Variants in GABRG3 observed in about 807,000 individuals in gnomAD.
GABRG3 encodes the protein gamma-aminobutyric acid receptor subunit gamma-3.
A neutral mutation model predicts 48.8 loss-of-function variants in GABRG3; 25 were observed. The ratio of observed to expected loss-of-function variants is 0.51; its 90% CI spans 0.37 to 0.72. The LOEUF (loss-of-function observed/expected upper bound fraction) is 0.72, where lower values mean the gene tolerates loss of function less well. GABRG3 is among the 30% of genes least tolerant of loss of function. GABRG3 has a pLI of 0.00. For synonymous variants in GABRG3, 227 were observed against 217.6 expected (o/e 1.04, Z -0.38); for missense variants, 394 against 577.9 (o/e 0.68, Z 3.26).
intron 5 of GABRG3, among the ~76,000 whole-genome samples, chr15:27,411,023 C>G (rs992063665): frequency 6.6e-6 from 1 of 152,196 alleles, no homozygotes; most frequent in Non-Finnish European, 1.5e-5. Flanking sequence ...TCTGGGCATG[C>G]CTACAGCCCT....
chr15:27,268,894 A>T (rs1890998937), intron 3 of GABRG3, among the ~76,000 whole-genome samples: 1 of 152,140 alleles, frequency 6.6e-6, no homozygotes, highest in African/African-American at 2.4e-5. Flanking sequence ...AACTCTTCTA[A>T]GCCAGTTAGC....
chr15:27,068,303 C>G (rs919134242), intron 3 of GABRG3, among the ~76,000 whole-genome samples: 4 of 152,224 alleles, frequency 2.6e-5, no homozygotes, highest in African/African-American at 9.6e-5. Context: ...ACTGCAGGAG[C>G]TGGGCACTGG....
In GABRG3 at chr15:27,541,513, A is replaced by G. The variant is rs1341282651; in HGVS notation, c.*8632A>G. ...TGCCTGTGAAGCCATTGTCCTCCAG[A>G]TGGGAGGTAGGCCGGGAGATTCCAG... On this transcript the variant is annotated 3_prime_UTR_variant, in exon 10 of 10. Transcript: ENST00000615808. 6.6e-6 allele frequency: 1 copy of G among 152,268 alleles called. No individual in the cohort carries two copies. Among genetic ancestry groups the G allele is most frequent in the Non-Finnish European group, 1.5e-5 (1 of 68,094 alleles). 9.4% of individuals were successfully genotyped at this position (152,268 alleles called of 1,614,324 possible).
chr15:27,348,155 C>CAAAAAAAAAAAAAAA (rs535295684), intron 5 of GABRG3, among the ~76,000 whole-genome samples: 3,078 of 102,782 alleles, frequency 0.03, 582 homozygotes, highest in African/African-American at 0.12. Flanking sequence ...GACTCCATCT[C>CAAAAAAAAAAAAAAA]AAATAAATAA....
Position 27,179,309 on chromosome 15 carries a change from A to G in GABRG3, c.271-147500A>G, listed in dbSNP as rs1428437294. On this transcript the variant is annotated intron_variant, in intron 3 of 9. Transcript: ENST00000615808. The surrounding 1 kb of genome is among the most constrained non-coding windows in gnomAD (Gnocchi z 4.0). ...TCAGGAGCAGCTGTAACAATTTCCC[A>G]CATGTGGCCAATGCACTTTATCATA... Among the ~76,000 whole-genome samples the G allele has an allele frequency of 2.6e-5, 4 of 152,318 alleles. No individual in the cohort carries two copies. The highest frequency in any genetic ancestry group is 6.8e-3 in the Middle Eastern group (2 of 294).
chr15:27,509,009 G>A (rs527427333), intron 6 of GABRG3, among the ~76,000 whole-genome samples: 29 of 152,020 alleles, frequency 1.9e-4, no homozygotes, highest in South Asian at 1.0e-3. Flanking sequence ...TTGAGCCACC[G>A]TGCCCGGCTG....
intron 3 of GABRG3, chr15:27,280,228 G>A (rs1251742925): frequency 2.0e-5 from 3 of 151,650 alleles, no homozygotes; most frequent in Non-Finnish European, 4.4e-5. Context: ...TTATTGATAT[G>A]TTTTTCTTTC....
chr15:27,253,487 G>T (rs1890523427), intron 3 of GABRG3, among the ~76,000 whole-genome samples: 1 of 152,246 alleles, frequency 6.6e-6, no homozygotes, highest in African/African-American at 2.4e-5. Context: ...TGCCACAGGA[G>T]AACTCCCCAC....
At chr15:27,097,924 T>G (rs150947900) in intron 3 of GABRG3, among the ~76,000 whole-genome samples, 1 of 148,272 alleles carries the variant, frequency 6.7e-6, no homozygotes, top group Non-Finnish European at 1.5e-5. Flanking sequence ...ATTTTTTTCT[T>G]CTTAAATCTA....
intron 3 of GABRG3, among the ~76,000 whole-genome samples, chr15:27,155,995 A>G (rs189219026): frequency 2.0e-5 from 3 of 152,182 alleles, no homozygotes; most frequent in Admixed American, 1.3e-4. Flanking sequence ...AAGAGTGGTT[A>G]TTGTTTAAAA....
chr15:27,415,496 T>C (rs1887914660), intron 5 of GABRG3, among the ~76,000 whole-genome samples: 1 of 152,034 alleles, frequency 6.6e-6, no homozygotes, highest in African/African-American at 2.4e-5. Context: ...TTTACATTCC[T>C]AAATAAGAAT....
At chr15:26,987,033 G>A (rs991120208) in intron 2 of GABRG3, among the ~76,000 whole-genome samples, 3 of 152,162 alleles carry the variant, frequency 2.0e-5, no homozygotes, top group South Asian at 4.1e-4. Flanking sequence ...CAAGGTGGGC[G>A]GATCACGAGG....
intron 5 of GABRG3, among the ~76,000 whole-genome samples, chr15:27,464,741 C>T (rs1889551701): frequency 6.6e-6 from 1 of 152,096 alleles, no homozygotes; most frequent in South Asian, 2.1e-4. Flanking sequence ...GCACTTATTA[C>T]CCATTTGTAT....
intron 5 of GABRG3, among the ~76,000 whole-genome samples, chr15:27,458,270 A>G (rs1319224328): frequency 3.3e-5 from 5 of 152,250 alleles, no homozygotes; most frequent in Non-Finnish European, 2.9e-5. Context: ...ATAATATGAC[A>G]TCGCTCCATC....
chr15:27,264,666 AAAC>A (rs1289553154), intron 3 of GABRG3, among the ~76,000 whole-genome samples: 5 of 152,140 alleles, frequency 3.3e-5, no homozygotes, highest in Non-Finnish European at 7.4e-5. Flanking sequence ...ACTACAATCC[AAAC>A]AACAACAAAA....
rs1434186509 is a variant in GABRG3, at chr15:27,413,204, G to A, written c.575-67446G>A. 8.5e-5 allele frequency among the ~76,000 whole-genome samples: 13 copies of A among 152,220 alleles called. No individual in the cohort carries two copies. The East Asian group carries it at 2.5e-3, about 29-fold the overall frequency. On this transcript the variant is annotated intron_variant, in intron 5 of 9. Transcript: ENST00000615808. The stretch of plus-strand genomic sequence containing the variant: ...TTATAGATAATGTACAGTTACAGGA[G>A]ATTTTTATTTACAATAATTCATGAT...
At chr15:27,046,329 C>T (rs1896365185) in intron 3 of GABRG3, among the ~76,000 whole-genome samples, 1 of 151,860 alleles carries the variant, frequency 6.6e-6, no homozygotes, top group Non-Finnish European at 1.5e-5. Context: ...GTCTCGAACT[C>T]CTGACCTCAG....
intron 3 of GABRG3, among the ~76,000 whole-genome samples, chr15:27,053,633 G>C (rs1324901447): frequency 1.3e-5 from 2 of 152,258 alleles, no homozygotes; most frequent in South Asian, 4.1e-4. Context: ...TATATACCCA[G>C]TGGAAAATAA....
chr15:27,489,498 G>T lies in GABRG3; in HGVS notation c.712+8711G>T, dbSNP rs936822781. ...ACTAATTTACACTCCCACCAATAGTGTAAAAGCTTTCCTATTTCTCCACAT... is the reference window on the plus strand; with the variant it reads ...ACTAATTTACACTCCCACCAATAGTTTAAAAGCTTTCCTATTTCTCCACAT... On this transcript the variant is annotated intron_variant, in intron 6 of 9. Transcript: ENST00000615808. Among the ~76,000 whole-genome samples, 6 of 152,312 alleles carry T rather than the reference G, an allele frequency of 3.9e-5. No homozygotes were observed. In the East Asian group the frequency reaches 1.2e-3, roughly 29 times the overall value.
Sources: gnomAD v4.1 joint callset for allele counts (sites outside exome capture counted in the v4.1 genomes callset) on GRCh38, gnomAD v4.1.1 for gene constraint, Gnocchi (gnomAD v3.1) non-coding constraint, MANE v1.5 for transcripts, NCBI Gene and HGNC (gene_info 2026-07-23, HGNC 2026-07-21) for gene names.